Variants in PKN3 observed in about 807,000 individuals in gnomAD.
PKN3 encodes the protein serine/threonine-protein kinase N3.
In PKN3, 91 loss-of-function variants were observed where a neutral mutation model predicts 113.1. The ratio of observed to expected loss-of-function variants is 0.80; its 90% CI spans 0.68 to 0.96. The LOEUF is 0.96. PKN3 is among the 40% of genes least tolerant of loss of function. The pLI is 0.00. For synonymous variants in PKN3, 467 were observed against 499.0 expected (o/e 0.94, Z 0.85); for missense variants, 1,052 against 1,202.2 (o/e 0.88, Z 1.85).
In PKN3 at chr9:128,709,078, G is replaced by T. The variant is rs926265876; in HGVS notation, c.835+1673G>T. Among the ~76,000 whole-genome samples the T allele has an allele frequency of 2.5e-4, 38 of 152,124 alleles. 1 individual carries two copies. The highest frequency in any genetic ancestry group is 9.2e-4 in the African/African-American group (38 of 41,516). On this transcript the variant is annotated intron_variant, in intron 6 of 21. Coordinates refer to ENST00000291906, the MANE Select transcript of PKN3 (RefSeq NM_013355.5). Reference sequence around the variant, plus strand: ...AGGCGGGCGGATCACGAGGTCAGGAGATCGAGACCATCCTGGCTAACACGG... The same window carrying T: ...AGGCGGGCGGATCACGAGGTCAGGATATCGAGACCATCCTGGCTAACACGG...
At position 128,702,600 on chromosome 9, in the gene PKN3, G is replaced by T. The variant is rs964167802; in HGVS notation, c.-316G>T. 5 of 349,714 alleles carry T rather than the reference G, an allele frequency of 1.4e-5. No homozygotes were observed. In the East Asian group the frequency reaches 2.5e-4, roughly 18 times the overall value. The allele number at this position is 349,714 out of a possible 1,614,324, so 21.7% of individuals were successfully genotyped here. A position where few individuals can be genotyped will look rare whatever the true frequency, so the allele number is the denominator to read the frequency against. ...GTGCCTCCTGAGCGTCCAAACCGGG[G>T]GTGAGGCGCGGTCACGCCCAGCGGG... is the stretch of plus-strand genomic sequence containing the variant. On this transcript the variant is annotated 5_prime_UTR_variant, in exon 1 of 22. Transcript: ENST00000291906.
chr9:128,710,707 G>A (rs566434566), intron 6 of PKN3, among the ~76,000 whole-genome samples: 17 of 152,194 alleles, frequency 1.1e-4, no homozygotes, highest in African/African-American at 4.1e-4. Flanking sequence ...GGCCAGGCTG[G>A]TCTCAAACTC....
chr9:128,712,929 G>A, intron 6 of PKN3, 123 bp from the exon 7 acceptor site: 1 of 1,020,896 alleles, frequency 9.8e-7, no homozygotes, highest in Non-Finnish European at 1.4e-6. Context: ...CTGGCCTCAG[G>A]TGGGTACGGT....
At chr9:128,709,011 C>T (rs913931962) in intron 6 of PKN3, among the ~76,000 whole-genome samples, 22 of 152,040 alleles carry the variant, frequency 1.4e-4, no homozygotes, top group African/African-American at 3.6e-4. Flanking sequence ...AATCGCCGGG[C>T]GCGGTGGCTC....
In PKN3 at chr9:128,716,734, C is replaced by A. The variant is rs1294845548; in HGVS notation, c.1809-13C>A. ...GTTTTCCTTCCCTCTAATACTCTTG[C>A]TCTCTCCTGTAGCCTGTACTGCGAG... On this transcript the variant is annotated splice_polypyrimidine_tract_variant and intron_variant, in intron 15 of 21. Transcript: ENST00000291906. 6.2e-7 allele frequency: 1 copy of A among 1,611,646 alleles called. No individual in the cohort carries two copies. Among genetic ancestry groups the A allele is most frequent in the Non-Finnish European group, 8.5e-7 (1 of 1,178,234 alleles).
Position 128,702,789 on chromosome 9 carries a change from G to T in PKN3, c.-127G>T. 1.4e-6 allele frequency: 1 copy of T among 711,598 alleles called. No homozygotes were observed. The highest frequency in any genetic ancestry group is 2.6e-5 in the Admixed American group (1 of 37,936). 44.1% of individuals were successfully genotyped at this position (711,598 alleles called of 1,614,324 possible). Reference sequence around the variant, plus strand: ...GCGGGCCAGCGGGTCTCGGGAGGGGGCGCCCGATCCCGCGTCTCCGGCGCC... The same window carrying T: ...GCGGGCCAGCGGGTCTCGGGAGGGGTCGCCCGATCCCGCGTCTCCGGCGCC... On this transcript the variant is annotated 5_prime_UTR_variant, in exon 1 of 22. Transcript: ENST00000291906.
At position 128,708,254 on chromosome 9, in the gene PKN3, T is replaced by C. The variant is rs962066454; in HGVS notation, c.835+849T>C. On this transcript the variant is annotated intron_variant, in intron 6 of 21. Coordinates refer to ENST00000291906, the MANE Select transcript of PKN3 (RefSeq NM_013355.5). ...AAAAGTAGCTGGATGTGGTGGCACA[T>C]GCCTGTAGTCCCAGCCACTCGGGAG... is the stretch of plus-strand genomic sequence containing the variant. Among the ~76,000 whole-genome samples, 174 of 151,920 alleles carry C rather than the reference T, an allele frequency of 1.1e-3. 1 individual carries two copies. Among genetic ancestry groups the C allele is most frequent in the African/African-American group, 4.1e-3 (170 of 41,412 alleles).
At position 128,702,872 on chromosome 9, in the gene PKN3, C is replaced by T; in HGVS notation, c.-44C>T. ...GGCGGAGGGTCTGCGGCTTCCGGGA[C>T]CGGAGTGGCTGAGAGAAGGGCCCCA... On this transcript the variant is annotated 5_prime_UTR_variant, in exon 1 of 22. Transcript: ENST00000291906. 1 of 1,426,398 alleles carries T rather than the reference C, an allele frequency of 7.0e-7. No homozygotes were observed. The highest frequency in any genetic ancestry group is 1.3e-5 in the South Asian group (1 of 78,904). 88.4% of individuals were successfully genotyped at this position (1,426,398 alleles called of 1,614,324 possible). A position where few individuals can be genotyped will look rare whatever the true frequency, so the allele number is the denominator to read the frequency against.
chr9:128,705,890 A>C lies in PKN3; in HGVS notation c.411+11A>C. On this transcript the variant is annotated intron_variant, in intron 3 of 21. Coordinates refer to ENST00000291906, the MANE Select transcript of PKN3 (RefSeq NM_013355.5). ...AGTGGCACCCCCAAGGTAAGGCCCC[A>C]CAGTCTGATGGCAGGAGCACCCTGG... 1.3e-6 allele frequency: 2 copies of C among 1,576,288 alleles called. No individual in the cohort carries two copies. Among genetic ancestry groups the C allele is most frequent in the Non-Finnish European group, 1.7e-6 (2 of 1,157,278 alleles).
rs529984927 is a variant in PKN3, at chr9:128,713,493, A to G, written c.1093-6A>G. 3.8e-5 allele frequency: 61 copies of G among 1,613,994 alleles called. No homozygotes were observed. Among genetic ancestry groups the G allele is most frequent in the Non-Finnish European group, 4.8e-5 (57 of 1,179,974 alleles). ...CCCACCCTTCAGCCTGGCCTCCCCA[A>G]TACAGGCCCGTGAGCTGGAGATTGG... is the stretch of plus-strand genomic sequence containing the variant. On this transcript the variant is annotated splice_region_variant and splice_polypyrimidine_tract_variant and intron_variant, in intron 8 of 21. Coordinates refer to ENST00000291906, the MANE Select transcript of PKN3 (RefSeq NM_013355.5).
rs184349078 is a variant in PKN3 at position 128,713,648 on chromosome 9, C to T, written c.1236+6C>T. On this transcript the variant is annotated splice_donor_region_variant and intron_variant, in intron 9 of 21. Transcript: ENST00000291906. ...AGGGACTGCTTTTTGCCCAGGTGCT[C>T]ACCACCTCCGCCCTCTGACTTGGTG... 223 of 1,613,330 alleles carry T rather than the reference C, an allele frequency of 1.4e-4. No individual in the cohort carries two copies. The highest frequency in any genetic ancestry group is 5.8e-4 in the Admixed American group (35 of 60,006).
At chr9:128,703,212 C>G (rs1387350392) in intron 1 of PKN3, among the ~76,000 whole-genome samples, 1 of 152,230 alleles carries the variant, frequency 6.6e-6, no homozygotes, top group Admixed American at 6.5e-5. Context: ...CGGCTGAGTC[C>G]GCAGTGTGCG....
Position 128,705,455 on chromosome 9 carries a change from C to T in PKN3, c.177C>T (p.Ser59=), listed in dbSNP as rs1433519439. 6 of 1,574,448 alleles carry T rather than the reference C, an allele frequency of 3.8e-6. No individual in the cohort carries two copies. The highest frequency in any genetic ancestry group is 5.2e-6 in the Non-Finnish European group (6 of 1,160,816). The change falls in exon 2 of 22, where the codon TCC becomes TCT. Residue 59 remains serine, a synonymous_variant. Coordinates refer to ENST00000291906, the MANE Select transcript of PKN3 (RefSeq NM_013355.5). ...HLGHVQQLLR[S]SNRRLEQLHG... Reference sequence around the variant, plus strand: ...GCCATGTGCAGCAGCTGCTGCGGTCCTCCAACCGCCGCCTGGAGCAGCTGC... The same window carrying T: ...GCCATGTGCAGCAGCTGCTGCGGTCTTCCAACCGCCGCCTGGAGCAGCTGC...
intron 6 of PKN3, 92 bp downstream of exon 6, chr9:128,707,497 C>A: frequency 1.8e-6 from 2 of 1,086,718 alleles, no homozygotes; most frequent in Non-Finnish European, 2.6e-6. Flanking sequence ...TCAAGAGTTC[C>A]AGTCCTGCCC....
chr9:128,717,113 G>GTTTTTTTTTTTTTTT (rs1554781180), intron 16 of PKN3, among the ~76,000 whole-genome samples, 190 bp downstream of exon 16: 4 of 14,446 alleles, frequency 2.8e-4, no homozygotes, highest in African/African-American at 4.1e-4. Flanking sequence ...TGTGCATTAG[G>GTTTTTTTTTTTTTTT]TTTCTTTTTT....
Position 128,702,911 on chromosome 9 carries a change from G to A in PKN3, c.-5G>A. The A allele has an allele frequency of 6.8e-7, 1 of 1,481,460 alleles. No individual in the cohort carries two copies. The highest frequency in any genetic ancestry group is 8.9e-7 in the Non-Finnish European group (1 of 1,119,850). 91.8% of individuals were successfully genotyped at this position (1,481,460 alleles called of 1,614,324 possible). A position where few individuals can be genotyped will look rare whatever the true frequency, so the allele number is the denominator to read the frequency against. On this transcript the variant is annotated 5_prime_UTR_variant, in exon 1 of 22. Transcript: ENST00000291906. Reference sequence around the variant, plus strand: ...AGAAGGGCCCCAAGCGGCCGGAGCGGCGCCATGGAGGAGGGGGCGCCGCGG... The same window carrying A: ...AGAAGGGCCCCAAGCGGCCGGAGCGACGCCATGGAGGAGGGGGCGCCGCGG...
Position 128,706,819 on chromosome 9 carries a change from A to G in PKN3, c.518A>G (p.Glu173Gly). The G allele has an allele frequency of 3.1e-6, 5 of 1,610,914 alleles. No homozygotes were observed. Among genetic ancestry groups the G allele is most frequent in the Non-Finnish European group, 4.2e-6 (5 of 1,177,744 alleles). Residue 173 changes from glutamate (E) to glycine (G), a missense_variant, in exon 4 of 22, where the codon GAG (glutamate) becomes GGG (glycine). Transcript: ENST00000291906. The stretch of plus-strand genomic sequence containing the variant: ...AGCCTGGAGGCCAGTGGGTCCCCGG[A>G]GCCAGGTGAGGCCTTGAGACACAGG... Reference protein sequence around the residue: ...ISSLEASGSPEPGPELLAEEL... With the variant: ...ISSLEASGSPGPGPELLAEEL...
chr9:128,714,617 C>G lies in PKN3; in HGVS notation c.1537C>G (p.Pro513Ala). The part of the protein sequence containing the change: ...LGEEMTPPPK[P>A]PRLYLPQEPT... The stretch of plus-strand genomic sequence containing the variant: ...TGAAGAGATGACACCCCCACCCAAG[C>G]CCCCACGCCTCTACCTCCCCCAGGA... The change falls in exon 12 of 22, where the codon CCC becomes GCC. Residue 513 changes from proline (P) to alanine (A), a missense_variant. Pro to Ala is a conservative substitution (Grantham distance 27). Transcript: ENST00000291906. The G allele has an allele frequency of 6.9e-7, 1 of 1,445,350 alleles. No homozygotes were observed. The highest frequency in any genetic ancestry group is 9.7e-7 in the Non-Finnish European group (1 of 1,026,320). 89.5% of individuals were successfully genotyped at this position (1,445,350 alleles called of 1,614,324 possible).
At position 128,709,988 on chromosome 9, in the gene PKN3, C is replaced by T. The variant is rs188506976; in HGVS notation, c.835+2583C>T. On this transcript the variant is annotated intron_variant, in intron 6 of 21. Transcript: ENST00000291906. The stretch of plus-strand genomic sequence containing the variant: ...TCACCCAGGCTGGAGTGCAGTGGCG[C>T]GATCTCGGCTCACTGCAAGCTCCTC... 635 of 148,168 alleles carry T rather than the reference C, an allele frequency of 4.3e-3. 4 individuals carry two copies. Among genetic ancestry groups the T allele is most frequent in the Non-Finnish European group, 7.7e-3 (519 of 67,040 alleles). 9.2% of individuals were successfully genotyped at this position (148,168 alleles called of 1,614,324 possible).
Sources: allele counts gnomAD v4.1 joint callset (sites outside exome capture counted in the v4.1 genomes callset), GRCh38; gene constraint gnomAD v4.1.1; transcripts MANE v1.5; gene names NCBI Gene and HGNC (gene_info 2026-07-23, HGNC 2026-07-21).